Variants in CASTOR1 observed in about 807,000 individuals in gnomAD.
CASTOR1 encodes GATS protein like 3.
Under a neutral mutation model 33.7 loss-of-function variants are expected in CASTOR1, and 18 were observed. The ratio of observed to expected loss-of-function variants is 0.53; its 90% CI spans 0.37 to 0.79. CASTOR1 has a LOEUF of 0.79. Among genes scored for constraint, CASTOR1 ranks in the 30% least tolerant of loss-of-function variants. The pLI, the probability that CASTOR1 is intolerant of heterozygous loss-of-function variation, is 0.00. For missense variants in CASTOR1, 362 were observed against 446.3 expected, an observed-to-expected ratio of 0.81 and a Z score of 1.70; for synonymous variants, 175 against 190.6, an observed-to-expected ratio of 0.92 and a Z score of 0.67.
chr22:30,285,764 G>A (rs1929740103), intron 8 of CASTOR1, 68 bp downstream of exon 8: 1 of 1,271,550 alleles, frequency 7.9e-7, no homozygotes. Flanking sequence ...TGGCCCAGCT[G>A]AGACTACCTC....
intron 2 of CASTOR1, 121 bp downstream of exon 2, chr22:30,288,585 C>G: frequency 6.3e-6 from 5 of 790,282 alleles, no homozygotes; most frequent in Non-Finnish European, 1.1e-5. Flanking sequence ...GATTCGAACC[C>G]CGACCCATCT....
At chr22:30,287,686 C>A (rs1215476330) in intron 2 of CASTOR1, 126 bp from the exon 3 acceptor site, 2 of 884,166 alleles carry the variant, frequency 2.3e-6, no homozygotes, top group East Asian at 2.6e-5. Flanking sequence ...GAGGCTGGGG[C>A]TCCTGAAGTC....
In CASTOR1 at chr22:30,286,844, C is replaced by T. The variant is rs1929785133; in HGVS notation, c.610G>A (p.Val204Ile). Residue 204 changes from valine (V) to isoleucine (I), a missense_variant, in exon 5 of 9, where the codon GTC becomes ATC. By Grantham distance (29) the Val-to-Ile change is conservative. Transcript: ENST00000407689. The stretch of plus-strand genomic sequence containing the variant: ...GTCCACCTGTGCGAGTAGAAGAGGA[C>T]ATCTATGAGGGTGGTGGCGATGGCT... ...LPAIATTLID[V>I]LFYSHSTPKE... is the part of the protein sequence containing the mutation. 1 of 1,614,178 alleles carries T rather than the reference C, an allele frequency of 6.2e-7. No individual in the cohort carries two copies. Among genetic ancestry groups the T allele is most frequent in the Non-Finnish European group, 8.5e-7 (1 of 1,180,022 alleles).
intron 1 of CASTOR1, 54 bp downstream of exon 1, chr22:30,289,331 G>T: frequency 7.8e-7 from 1 of 1,286,176 alleles, no homozygotes; most frequent in East Asian, 2.5e-5. Context: ...CCCTGGCCCG[G>T]AGCGAGAGCA....
intron 1 of CASTOR1, 105 bp from the exon 2 acceptor site, chr22:30,288,881 C>A: frequency 2.3e-6 from 2 of 863,902 alleles, no homozygotes; most frequent in South Asian, 1.8e-5. Flanking sequence ...CTGGGCCGGG[C>A]GCCTTCTTGC....
At chr22:30,288,357 C>G (rs1929837618) in intron 2 of CASTOR1, among the ~76,000 whole-genome samples, 2 of 151,844 alleles carry the variant, frequency 1.3e-5, no homozygotes. Context: ...GAAATAATAC[C>G]CAGGGATTTC....
chr22:30,289,107 TC>T (rs1929865381), intron 1 of CASTOR1: 3 of 564,684 alleles, frequency 5.3e-6, no homozygotes, highest in Non-Finnish European at 9.4e-6. Context: ...TGGAAGGAGC[TC>T]CCCGCAGTGA....
rs192050488 is a variant in CASTOR1 at position 30,286,839 on chromosome 22, G to T, written c.615C>A (p.Leu205=). The T allele has an allele frequency of 5.9e-4, 952 of 1,614,222 alleles. 1 individual carries two copies. The highest frequency in any genetic ancestry group is 7.5e-4 in the Non-Finnish European group (880 of 1,180,030). The change falls in exon 5 of 9, where the codon CTC becomes CTA. Residue 205 remains leucine (L), a synonymous_variant. Coordinates refer to ENST00000407689, the MANE Select transcript of CASTOR1 (RefSeq NM_001037666.3). ...PAIATTLIDV[L]FYSHSTPKEA... ...CCAAGGTCCACCTGTGCGAGTAGAA[G>T]AGGACATCTATGAGGGTGGTGGCGA...
intron 3 of CASTOR1, 32 bp from the exon 4 acceptor site, chr22:30,287,319 C>G: frequency 6.3e-7 from 1 of 1,578,404 alleles, no homozygotes; most frequent in Non-Finnish European, 8.6e-7. Context: ...ATCACATGGG[C>G]TCCCAGGTAC....
intron 4 of CASTOR1, 80 bp downstream of exon 4, chr22:30,287,075 C>A (rs762565396): frequency 6.4e-6 from 10 of 1,550,986 alleles, no homozygotes; most frequent in South Asian, 1.2e-5. Flanking sequence ...TCCTCCTGCC[C>A]CACTGGGGCC....
chr22:30,286,862 C>T lies in CASTOR1; in HGVS notation c.592G>A (p.Ala198Thr), dbSNP rs1929785772. The T allele has an allele frequency of 8.1e-6, 13 of 1,614,032 alleles. No individual in the cohort carries two copies. Among genetic ancestry groups the T allele is most frequent in the African/African-American group, 1.3e-5 (1 of 74,908 alleles). Residue 198 changes from alanine to threonine, a missense_variant, in exon 5 of 9, where the codon GCC (alanine) becomes ACC (threonine). Ala to Thr is a moderately conservative substitution (Grantham distance 58). Coordinates refer to ENST00000407689, the MANE Select transcript of CASTOR1 (RefSeq NM_001037666.3). ...TLDPETLPAI[A>T]TTLIDVLFYS... ...AAGAGGACATCTATGAGGGTGGTGG[C>T]GATGGCTGGAAGCGTCTCAGGGTCC...
At chr22:30,289,242 G>A in intron 1 of CASTOR1, 143 bp downstream of exon 1, 1 of 663,952 alleles carries the variant, frequency 1.5e-6, no homozygotes, top group African/African-American at 1.9e-5. Flanking sequence ...CAGGCCGGAT[G>A]GCGGCCGGAC....
intron 4 of CASTOR1, 51 bp downstream of exon 4, chr22:30,287,104 G>A: frequency 6.4e-7 from 1 of 1,569,136 alleles, no homozygotes; most frequent in East Asian, 2.2e-5. Context: ...AAGGGACCCA[G>A]TGGGAAGAGG....
chr22:30,288,959 C>T, intron 1 of CASTOR1, 183 bp from the exon 2 acceptor site: 1 of 570,678 alleles, frequency 1.8e-6, no homozygotes, highest in African/African-American at 1.9e-5. Flanking sequence ...GGCTACTTTC[C>T]GGCCTCCCGA....
In CASTOR1 at chr22:30,286,951, G is replaced by A; in HGVS notation, c.506-3C>T. On this transcript the variant is annotated splice_polypyrimidine_tract_variant and splice_region_variant and intron_variant, in intron 4 of 8. Coordinates refer to ENST00000407689, the MANE Select transcript of CASTOR1 (RefSeq NM_001037666.3). ...GGGATGCACCGTGGGGCTGGGCCCTGCTGGAGGACAGCAGCAGGTGAAAAG... is the reference window on the plus strand; with the variant it reads ...GGGATGCACCGTGGGGCTGGGCCCTACTGGAGGACAGCAGCAGGTGAAAAG... The A allele has an allele frequency of 6.2e-7, 1 of 1,609,076 alleles. No homozygotes were observed. Among genetic ancestry groups the A allele is most frequent in the African/African-American group, 1.3e-5 (1 of 74,922 alleles).
intron 5 of CASTOR1, chr22:30,286,595 G>T (rs1457932858): frequency 3.0e-6 from 2 of 677,238 alleles, no homozygotes; most frequent in East Asian, 2.7e-5. Flanking sequence ...GGATTCCACG[G>T]TGAGAGGGCC....
Position 30,288,776 on chromosome 22 carries a change from C to A in CASTOR1, c.114G>T (p.Arg38=), listed in dbSNP as rs1329186110. 6.2e-7 allele frequency: 1 copy of A among 1,611,048 alleles called. No individual in the cohort carries two copies. Among genetic ancestry groups the A allele is most frequent in the East Asian group, 2.2e-5 (1 of 44,714 alleles). Residue 38 remains arginine, a splice_region_variant and synonymous_variant, in exon 2 of 9, where the codon CGG becomes CGT. Transcript: ENST00000407689. ...IKLLFLPRRS[R]CKFFSLTETP... is the part of the protein sequence containing the mutation. ...TCTCCGTCAGGCTGAAGAACTTGCA[C>A]CTGGTTGGGGGTGGGGAGCATCTTC...
chr22:30,289,061 C>T, intron 1 of CASTOR1: 2 of 562,010 alleles, frequency 3.6e-6, no homozygotes, highest in South Asian at 4.2e-5. Flanking sequence ...CCTTGGACCC[C>T]CTAGTCCAGC....
At chr22:30,287,025 G>C in intron 4 of CASTOR1, 77 bp from the exon 5 acceptor site, 1 of 1,560,782 alleles carries the variant, frequency 6.4e-7, no homozygotes, top group Non-Finnish European at 8.7e-7. Context: ...GGAGAGGCGT[G>C]GGCCAGGGGC....
Sources: gnomAD v4.1 joint callset for allele counts (sites outside exome capture counted in the v4.1 genomes callset) on GRCh38, gnomAD v4.1.1 for gene constraint, MANE v1.5 for transcripts, NCBI Gene and HGNC (gene_info 2026-07-23, HGNC 2026-07-21) for gene names.